TCF12: variants seen among roughly 807,000 people sequenced by gnomAD.
TCF12 encodes the protein transcription factor 12, also known as DNA-binding protein HTF4.
In TCF12, 45 loss-of-function variants were observed where a neutral mutation model predicts 86.0. The ratio of observed to expected loss-of-function variants is 0.52; its 90% confidence interval spans 0.41 to 0.67. The LOEUF (loss-of-function observed/expected upper bound fraction) is 0.67. TCF12 is among the 30% of genes least tolerant of loss of function. The pLI is 0.00. For missense variants in TCF12, 881 were observed against 859.9 expected (o/e 1.02, Z -0.31); for synonymous variants, 330 against 299.6 (o/e 1.10, Z -1.05).
chr15:57,286,650 T>C lies in TCF12; in HGVS notation c.*505T>C. 2.2e-6 allele frequency: 1 copy of C among 456,742 alleles called. No homozygotes were observed. 28.3% of individuals were successfully genotyped at this position (456,742 alleles called of 1,614,324 possible). On this transcript the variant is annotated 3_prime_UTR_variant, in exon 21 of 21. Transcript: ENST00000333725. ...CAAAGCAGTGACAACCATTGGCCCT[T>C]AGCATTCCCGGCATACCTATTAGTG...
At chr15:57,172,511 T>C (rs2055586315) in intron 6 of TCF12, among the ~76,000 whole-genome samples, 1 of 151,974 alleles carries the variant, frequency 6.6e-6, no homozygotes, top group South Asian at 2.1e-4. Flanking sequence ...TGTCAGTAAA[T>C]TGGAAAGGTT....
intron 3 of TCF12, among the ~76,000 whole-genome samples, chr15:57,039,129 C>T (rs2066716250): frequency 6.6e-6 from 1 of 152,116 alleles, no homozygotes; most frequent in African/African-American, 2.4e-5. Context: ...AAGTATTCTT[C>T]CACTTGTTAC....
At chr15:57,096,550 A>G (rs1329942429) in intron 5 of TCF12, among the ~76,000 whole-genome samples, 3 of 152,214 alleles carry the variant, frequency 2.0e-5, no homozygotes, top group African/African-American at 4.8e-5. Context: ...TAGTTTTTGC[A>G]TATAACCCAC....
intron 4 of TCF12, among the ~76,000 whole-genome samples, chr15:57,065,363 C>G (rs2150969121): frequency 6.6e-6 from 1 of 152,322 alleles, no homozygotes; most frequent in East Asian, 1.9e-4. Context: ...GCTACTTAAA[C>G]TGGTTGATAC....
At chr15:57,000,033 T>G (rs1382431541) in intron 3 of TCF12, among the ~76,000 whole-genome samples, 2 of 151,136 alleles carry the variant, frequency 1.3e-5, no homozygotes, top group African/African-American at 4.9e-5. Flanking sequence ...TGCTAAACTT[T>G]CTCATTTTTC....
At chr15:57,266,619 C>T (rs576743940) in intron 18 of TCF12, among the ~76,000 whole-genome samples, 36 of 152,100 alleles carry the variant, frequency 2.4e-4, no homozygotes, top group Non-Finnish European at 4.7e-4. Flanking sequence ...ATGATGTTGT[C>T]GTGGAGTTTT....
chr15:57,050,191 A>C (rs1176264002), intron 3 of TCF12, among the ~76,000 whole-genome samples: 3 of 152,178 alleles, frequency 2.0e-5, no homozygotes, highest in African/African-American at 7.2e-5. Context: ...AATCACGTGC[A>C]TTTTAAAGAA....
chr15:57,119,474 A>G (rs2051079150), intron 5 of TCF12, among the ~76,000 whole-genome samples: 1 of 144,948 alleles, frequency 6.9e-6, no homozygotes, highest in Non-Finnish European at 1.5e-5. Context: ...TTTTTTAAGT[A>G]TCTTCTTCAT....
intron 6 of TCF12, among the ~76,000 whole-genome samples, chr15:57,181,346 T>TA (rs2056338354): frequency 6.6e-6 from 1 of 152,200 alleles, no homozygotes; most frequent in African/African-American, 2.4e-5. Flanking sequence ...TGCCTCACCC[T>TA]ACCAAGTAGC....
intron 8 of TCF12, among the ~76,000 whole-genome samples, chr15:57,215,519 T>G (rs1182335334): frequency 6.6e-6 from 1 of 152,166 alleles, no homozygotes; most frequent in Non-Finnish European, 1.5e-5. Context: ...TTCCAAGATT[T>G]GATTCACTTA....
intron 13 of TCF12, among the ~76,000 whole-genome samples, chr15:57,249,308 ATTTT>A (rs2060000783): frequency 6.6e-6 from 1 of 152,110 alleles, no homozygotes; most frequent in Non-Finnish European, 1.5e-5. Flanking sequence ...TCAATGAGCA[ATTTT>A]AGATTGTCCA....
intron 3 of TCF12, among the ~76,000 whole-genome samples, chr15:56,962,544 GAAGA>G (rs2061811976): frequency 6.6e-6 from 1 of 152,094 alleles, no homozygotes; most frequent in South Asian, 2.1e-4. Flanking sequence ...CCAGAAACAT[GAAGA>G]AAAAGACTAG....
At chr15:57,212,118 T>G (rs2058136789) in intron 8 of TCF12, among the ~76,000 whole-genome samples, 1 of 152,016 alleles carries the variant, frequency 6.6e-6, no homozygotes, top group African/African-American at 2.4e-5. Flanking sequence ...CCTAACAAAT[T>G]CTGTGGATTC....
At chr15:57,112,562 T>C (rs537356826) in intron 5 of TCF12, among the ~76,000 whole-genome samples, 1 of 152,310 alleles carries the variant, frequency 6.6e-6, no homozygotes, top group East Asian at 1.9e-4. Flanking sequence ...TGAGGTTCCA[T>C]CCTTCCAGCA....
intron 6 of TCF12, 44 bp downstream of exon 6, chr15:57,166,510 A>G (rs773253425): frequency 2.0e-6 from 3 of 1,521,334 alleles, no homozygotes; most frequent in Non-Finnish European, 1.8e-6. Context: ...GTTTTTAAAC[A>G]CATAAATAAA....
chr15:57,115,971 G>T (rs1324529582), intron 5 of TCF12, among the ~76,000 whole-genome samples: 2 of 152,156 alleles, frequency 1.3e-5, no homozygotes, highest in Admixed American at 6.5e-5. Flanking sequence ...CTTCTGTCCA[G>T]TTCCCAGACT....
chr15:57,271,470 A>G (rs1203274757), intron 18 of TCF12, among the ~76,000 whole-genome samples: 1 of 152,204 alleles, frequency 6.6e-6, no homozygotes, highest in African/African-American at 2.4e-5. Flanking sequence ...GCAGGAGTAT[A>G]CTGCTCCTCC....
chr15:57,162,863 T>G (rs1016855660), intron 5 of TCF12, among the ~76,000 whole-genome samples: 8 of 152,138 alleles, frequency 5.3e-5, no homozygotes, highest in Non-Finnish European at 7.3e-5. Context: ...CTAGGACATT[T>G]GATTCAAAAT....
chr15:57,210,830 A>G (rs2058072982), intron 8 of TCF12, among the ~76,000 whole-genome samples: 1 of 152,112 alleles, frequency 6.6e-6, no homozygotes, highest in Admixed American at 6.5e-5. Flanking sequence ...CAACCTACAT[A>G]CTCACTACAG....
Sources: allele counts gnomAD v4.1 joint callset (sites outside exome capture counted in the v4.1 genomes callset), GRCh38; gene constraint gnomAD v4.1.1; transcripts MANE v1.5; gene names NCBI Gene and HGNC (gene_info 2026-07-23, HGNC 2026-07-21).